ODF2: variants seen among roughly 807,000 people sequenced by gnomAD.
ODF2 encodes the protein outer dense fiber of sperm tails 2.
ODF2 carries 47 observed loss-of-function variants against 110.2 expected under a neutral mutation model. That is an observed-to-expected ratio of 0.43 (90% confidence interval 0.34 to 0.54). The LOEUF (loss-of-function observed/expected upper bound fraction) is 0.54. Ranked by LOEUF, ODF2 falls within the 20% of genes least tolerant of loss-of-function variation. The pLI, the probability that ODF2 is intolerant of heterozygous loss-of-function variation, is 0.03. For missense variants in ODF2, 812 were observed against 1,054.5 expected, an observed-to-expected ratio of 0.77 and a Z score of 3.19; for synonymous variants, 352 against 397.7, an observed-to-expected ratio of 0.89 and a Z score of 1.37.
At position 128,494,806 on chromosome 9, in the gene ODF2, G is replaced by C. The variant is rs920547531; in HGVS notation, c.1911+138G>C. On this transcript the variant is annotated intron_variant, in intron 17 of 20. Transcript: ENST00000604420. The surrounding 1 kb of genome is among the most constrained non-coding windows in gnomAD (Gnocchi z 4.6). The stretch of plus-strand genomic sequence containing the variant: ...TTTTAAAAGGAGTGAGCTATCATCA[G>C]TGCTGTGAAATAAAAGTCTGGTGTG... 10 of 1,552,504 alleles carry C rather than the reference G, an allele frequency of 6.4e-6. No homozygotes were observed. The highest frequency in any genetic ancestry group is 8.7e-6 in the Non-Finnish European group (10 of 1,149,562).
chr9:128,497,438 AAAAAAAAAATATATATATAT>A (rs1420935366), intron 18 of ODF2: 16 of 94,576 alleles, frequency 1.7e-4, no homozygotes, highest in African/African-American at 8.5e-4. Flanking sequence ...AAAAAAAAAA[AAAAAAAAAATATATATATAT>A]ATATATATAT....
upstream of ODF2, chr9:128,455,944 G>T: frequency 7.1e-7 from 1 of 1,402,952 alleles, no homozygotes. Context: ...GGCCAGGCCC[G>T]CTGGACGCGT....
At position 128,485,299 on chromosome 9, in the gene ODF2, C is replaced by T. The variant is rs1843150310; in HGVS notation, c.1291-66C>T. 3 of 848,446 alleles carry T rather than the reference C, an allele frequency of 3.5e-6. No homozygotes were observed. The highest frequency in any genetic ancestry group is 3.4e-5 in the African/African-American group (2 of 59,674). The allele number at this position is 848,446 out of a possible 1,614,324, so 52.6% of individuals were successfully genotyped here. A position where few individuals can be genotyped will look rare whatever the true frequency, so the allele number is the denominator to read the frequency against. On this transcript the variant is annotated intron_variant, in intron 12 of 20. Coordinates refer to ENST00000604420, the Ensembl canonical transcript of ODF2. This position sits in a 1 kb window ranked among gnomAD's most constrained non-coding sequence, Gnocchi z 5.0. Reference sequence around the variant, plus strand: ...TGAGAAACCACCTAGGATGAGCCCGCTCCCAGCTCCTGGCAGCCTCACCAC... The same window carrying T: ...TGAGAAACCACCTAGGATGAGCCCGTTCCCAGCTCCTGGCAGCCTCACCAC...
chr9:128,456,594 C>T (rs1588660766), intron 1 of ODF2: 4 of 1,522,104 alleles, frequency 2.6e-6, no homozygotes, highest in African/African-American at 1.4e-5. Flanking sequence ...GCCGTCCCTT[C>T]TCTCCGCCGA....
Position 128,468,368 on chromosome 9 carries a change from G to A in ODF2, c.250-815G>A, listed in dbSNP as rs28704597. On this transcript the variant is annotated intron_variant, in intron 4 of 20. Transcript: ENST00000604420. The stretch of plus-strand genomic sequence containing the variant: ...GATTTGTTATATTATTTCTTTATGA[G>A]TATTGTTATTTTTAGAGACAGGGTT... 9.0e-3 allele frequency among the ~76,000 whole-genome samples: 1,370 copies of A among 152,158 alleles called. 20 individuals carry two copies. Among genetic ancestry groups the A allele is most frequent in the African/African-American group, 0.031 (1,273 of 41,502 alleles).
Position 128,485,500 on chromosome 9 carries a change from T to G in ODF2, c.1400+26T>G, listed in dbSNP as rs752544189. The G allele has an allele frequency of 1.5e-6, 2 of 1,322,614 alleles. No individual in the cohort carries two copies. The highest frequency in any genetic ancestry group is 2.4e-5 in the South Asian group (2 of 83,406). The allele number at this position is 1,322,614 out of a possible 1,614,324, so 81.9% of individuals were successfully genotyped here. On this transcript the variant is annotated intron_variant, in intron 13 of 20. Transcript: ENST00000604420. This position sits in a 1 kb window ranked among gnomAD's most constrained non-coding sequence, Gnocchi z 5.0. ...GTACGTCTTAGAGTAGGAGAGGGAA[T>G]GTGGCGCTGTTGAGGGACTTGGGTG...
At chr9:128,456,167 C>T (rs1331262093) in exon 1 of ODF2, 1 of 1,549,384 alleles carries the variant, frequency 6.5e-7, no homozygotes, top group South Asian at 1.2e-5. Context: ...CAGACTGCAT[C>T]CGCCGCGGCG....
intron 3 of ODF2, 133 bp downstream of exon 3, chr9:128,460,799 A>G: frequency 2.0e-6 from 3 of 1,512,882 alleles, no homozygotes; most frequent in Non-Finnish European, 2.7e-6. Context: ...TCCTGGTTAG[A>G]AGGTAGGCAG....
intron 5 of ODF2, among the ~76,000 whole-genome samples, chr9:128,469,965 CAGAG>C (rs941632297): frequency 1.1e-5 from 1 of 92,658 alleles, no homozygotes; most frequent in African/African-American, 4.4e-5. Context: ...GCCTGGGCGA[CAGAG>C]AGAGTCTCTG....
At chr9:128,470,046 T>TAA (rs1564476242) in intron 5 of ODF2, among the ~76,000 whole-genome samples, 1 of 56,668 alleles carries the variant, frequency 1.8e-5, no homozygotes, top group Non-Finnish European at 3.5e-5. Flanking sequence ...TATATATATA[T>TAA]AAATAAAAAA....
intron 12 of ODF2, 72 bp downstream of exon 12, chr9:128,484,958 CCAG>C: frequency 6.7e-7 from 1 of 1,498,518 alleles, no homozygotes; most frequent in Non-Finnish European, 9.2e-7. Context: ...GGGTGGTCAG[CCAG>C]ATGGGTAGCG....
chr9:128,467,767 A>AGT (rs1366867461), intron 4 of ODF2, among the ~76,000 whole-genome samples: 45 of 151,682 alleles, frequency 3.0e-4, no homozygotes, highest in Non-Finnish European at 5.2e-4. Flanking sequence ...AAAAAAGCAA[A>AGT]GTGTTTACAG....
exon 5 of ODF2, chr9:128,469,351 G>A (rs777873152): frequency 1.2e-6 from 2 of 1,614,032 alleles, no homozygotes; most frequent in Non-Finnish European, 1.7e-6. Context: ...TCTGAAGTCT[G>A]AGGTGAGGGA....
chr9:128,465,304 G>C (rs955009919), intron 4 of ODF2, among the ~76,000 whole-genome samples: 2 of 152,194 alleles, frequency 1.3e-5, no homozygotes, highest in Admixed American at 6.5e-5. Flanking sequence ...ACAGCCCCTG[G>C]AGGTGGAAGT....
At chr9:128,479,883 T>G (rs895232057) in intron 8 of ODF2, among the ~76,000 whole-genome samples, 9 of 152,050 alleles carry the variant, frequency 5.9e-5, no homozygotes, top group African/African-American at 2.2e-4. Context: ...CTTTTTTGGG[T>G]GATGAAAATG....
At position 128,483,130 on chromosome 9, in the gene ODF2, G is replaced by A. The variant is rs537197614; in HGVS notation, c.987+243G>A. ...AGGATGGTCTTGATCTCTTGACCTC[G>A]TGATCTGCCTGCCTCGGCCTCCCAA... On this transcript the variant is annotated intron_variant, in intron 10 of 20. Coordinates refer to ENST00000604420, the Ensembl canonical transcript of ODF2. Among the ~76,000 whole-genome samples, 11 of 152,062 alleles carry A rather than the reference G, an allele frequency of 7.2e-5. No individual in the cohort carries two copies. In the South Asian group the frequency reaches 2.3e-3, roughly 32 times the overall value.
At chr9:128,498,904 C>A in intron 19 of ODF2, 97 bp from the exon 20 acceptor site, 2 of 1,484,386 alleles carry the variant, frequency 1.3e-6, no homozygotes, top group Admixed American at 1.8e-5. Flanking sequence ...TGTGCAAGTG[C>A]TGTCTGCAAG....
intron 8 of ODF2, among the ~76,000 whole-genome samples, chr9:128,479,603 G>A (rs1286009525): frequency 1.3e-5 from 2 of 151,804 alleles, no homozygotes; most frequent in Non-Finnish European, 2.9e-5. Context: ...CAGACCTTCC[G>A]ACCTGGCCAT....
chr9:128,472,886 C>G (rs1318257268), intron 6 of ODF2, 27 bp from the exon 7 acceptor site: 1 of 1,613,106 alleles, frequency 6.2e-7, no homozygotes, highest in Non-Finnish European at 8.5e-7. Context: ...CCTGGGAGGG[C>G]TCACAGAGCC....
Sources: gnomAD v4.1 joint callset for allele counts (sites outside exome capture counted in the v4.1 genomes callset) on GRCh38, gnomAD v4.1.1 for gene constraint, Gnocchi (gnomAD v3.1) non-coding constraint, MANE v1.5 for transcripts, NCBI Gene and HGNC (gene_info 2026-07-23, HGNC 2026-07-21) for gene names.